PEX14: variants seen among roughly 807,000 people sequenced by gnomAD.
The protein encoded by PEX14 is peroxisomal membrane protein PEX14.
PEX14 carries 15 observed loss-of-function variants against 49.5 expected under a neutral mutation model. The ratio of observed to expected loss-of-function variants is 0.30; its 90% CI spans 0.20 to 0.47. The LOEUF (loss-of-function observed/expected upper bound fraction) is 0.47. Among genes scored for constraint, PEX14 ranks in the 20% least tolerant of loss-of-function variants. PEX14 has a pLI of 1.00. For missense variants in PEX14, 398 were observed against 494.8 expected (o/e 0.80, Z 1.86); for synonymous variants, 210 against 212.7 (o/e 0.99, Z 0.11).
intron 3 of PEX14, among the ~76,000 whole-genome samples, chr1:10,551,807 A>C (rs752157525): frequency 1.8e-4 from 27 of 152,214 alleles, no homozygotes; most frequent in Non-Finnish European, 1.5e-4. Context: ...ACAAAAATAC[A>C]ATCAGAAAGT....
At chr1:10,518,529 G>A (rs536906903) in intron 2 of PEX14, among the ~76,000 whole-genome samples, 42 of 152,256 alleles carry the variant, frequency 2.8e-4, no homozygotes, top group African/African-American at 9.4e-4. Flanking sequence ...TTCTTGTAGT[G>A]TATATATTGG....
In PEX14 at chr1:10,495,206, A is replaced by G; in HGVS notation, c.37-68A>G. 2.5e-6 allele frequency: 4 copies of G among 1,576,570 alleles called. No homozygotes were observed. Among genetic ancestry groups the G allele is most frequent in the East Asian group, 4.5e-5 (2 of 44,658 alleles). On this transcript the variant is annotated intron_variant, in intron 1 of 8. Coordinates refer to ENST00000356607, the MANE Select transcript of PEX14 (RefSeq NM_004565.3). This position sits in a 1 kb window ranked among gnomAD's most constrained non-coding sequence, Gnocchi z 4.2. ...AGCGTGCATCGTTTGAGAACGGAAC[A>G]TCTTTGGTTTTTTGATGTCCATTGG...
At chr1:10,556,043 G>A (rs1639478836) in intron 3 of PEX14, among the ~76,000 whole-genome samples, 1 of 152,056 alleles carries the variant, frequency 6.6e-6, no homozygotes, top group African/African-American at 2.4e-5. Context: ...ACATTCCACC[G>A]AGCACGAGGC....
At chr1:10,525,320 TA>T (rs199862806) in intron 2 of PEX14, among the ~76,000 whole-genome samples, 365 of 145,136 alleles carry the variant, frequency 2.5e-3, no homozygotes, top group Middle Eastern at 3.5e-3. Flanking sequence ...GAAAGATGTG[TA>T]AAAAAAAAAA....
At chr1:10,608,667 A>G (rs1375640513) in intron 4 of PEX14, among the ~76,000 whole-genome samples, 2 of 35,150 alleles carry the variant, frequency 5.7e-5, no homozygotes, top group Non-Finnish European at 6.5e-5. Flanking sequence ...CGTCTCAAAA[A>G]AAAAAAGAAA....
At chr1:10,475,553 GACTA>G (rs906436931) in intron 1 of PEX14, among the ~76,000 whole-genome samples, 24 of 152,194 alleles carry the variant, frequency 1.6e-4, no homozygotes, top group African/African-American at 5.8e-4. Context: ...GACGCACTGT[GACTA>G]ACAGACGCCA....
At chr1:10,556,053 C>T (rs1443132704) in intron 3 of PEX14, among the ~76,000 whole-genome samples, 1 of 151,972 alleles carries the variant, frequency 6.6e-6, no homozygotes, top group Non-Finnish European at 1.5e-5. Flanking sequence ...GAGCACGAGG[C>T]GAAAGGGGCA....
intron 1 of PEX14, among the ~76,000 whole-genome samples, chr1:10,490,550 T>C (rs1352182952): frequency 6.6e-6 from 1 of 152,164 alleles, no homozygotes; most frequent in African/African-American, 2.4e-5. Flanking sequence ...CCGTAGTCTT[T>C]GCCTGACTTG....
intron 3 of PEX14, among the ~76,000 whole-genome samples, chr1:10,577,536 A>ATATATATATATATATATATG (rs1557854651): frequency 1.0e-3 from 2 of 1,940 alleles, no homozygotes; most frequent in Non-Finnish European, 4.8e-3. Flanking sequence ...ATACATATAT[A>ATATATATATATATATATATG]TATATATATA....
chr1:10,612,274 C>G (rs538684854), intron 4 of PEX14, among the ~76,000 whole-genome samples: 1 of 152,256 alleles, frequency 6.6e-6, no homozygotes, highest in East Asian at 1.9e-4. Flanking sequence ...ACCTTGGCCT[C>G]TATCAAAAAT....
At chr1:10,604,184 G>A (rs1430723065) in intron 4 of PEX14, among the ~76,000 whole-genome samples, 1 of 152,170 alleles carries the variant, frequency 6.6e-6, no homozygotes, top group African/African-American at 2.4e-5. Flanking sequence ...CGGTGAGGAC[G>A]GTGGCACAGA....
intron 1 of PEX14, among the ~76,000 whole-genome samples, chr1:10,491,824 G>A (rs1570145065): frequency 6.6e-6 from 1 of 151,418 alleles, no homozygotes; most frequent in South Asian, 2.1e-4. Flanking sequence ...GGGACTACAG[G>A]CATGCACCAC....
intron 2 of PEX14, among the ~76,000 whole-genome samples, chr1:10,497,200 G>A (rs1048333378): frequency 3.9e-5 from 6 of 152,176 alleles, no homozygotes; most frequent in Admixed American, 2.6e-4. Context: ...CAGCTGAGTC[G>A]CGTGGTCTTG....
At chr1:10,488,196 G>C (rs1270489277) in intron 1 of PEX14, among the ~76,000 whole-genome samples, 1 of 151,990 alleles carries the variant, frequency 6.6e-6, no homozygotes, top group Non-Finnish European at 1.5e-5. Context: ...TGTGTCTCAA[G>C]GAATTTGTCC....
At position 10,629,513 on chromosome 1, in the gene PEX14, C is replaced by G; in HGVS notation, c.678-18C>G. 3.2e-6 allele frequency: 5 copies of G among 1,576,384 alleles called. No individual in the cohort carries two copies. In the African/African-American group the frequency reaches 4.0e-5, roughly 13 times the overall value. Reference sequence around the variant, plus strand: ...CCTGAATGCCGCCACCAACCTCCTCCCCTTCTTCTCCCTCTAGGAGGCAGT... The same window carrying G: ...CCTGAATGCCGCCACCAACCTCCTCGCCTTCTTCTCCCTCTAGGAGGCAGT... On this transcript the variant is annotated intron_variant, in intron 8 of 8. Coordinates refer to ENST00000356607, the MANE Select transcript of PEX14 (RefSeq NM_004565.3). The surrounding 1 kb of genome is among the most constrained non-coding windows in gnomAD (Gnocchi z 8.5).
chr1:10,479,002 C>T (rs903202209), intron 1 of PEX14, among the ~76,000 whole-genome samples: 9 of 151,954 alleles, frequency 5.9e-5, no homozygotes, highest in East Asian at 1.9e-4. Context: ...CCGCCCACCT[C>T]GGCCTCCCAA....
chr1:10,602,764 G>A (rs1641023038), intron 4 of PEX14, among the ~76,000 whole-genome samples: 1 of 152,140 alleles, frequency 6.6e-6, no homozygotes, highest in African/African-American at 2.4e-5. Context: ...AGCAAACTCA[G>A]GGGAGTTTCT....
rs12375 is a variant in PEX14 at position 10,536,284 on chromosome 1, C to T, written c.156C>T (p.Phe52=). The change falls in exon 3 of 9, where the codon TTC becomes TTT. Residue 52 remains phenylalanine, a synonymous_variant. Transcript: ENST00000356607. ...RQSPLATRRA[F]LKKKGLTDEE... is the part of the protein sequence containing the mutation. ...GCCCACTTGCAACCAGGAGAGCATT[C>T]CTAAAGAAGAAAGGTACAGGTTCCA... is the stretch of plus-strand genomic sequence containing the variant. 0.31 allele frequency: 487,013 copies of T among 1,596,574 alleles called. 77,544 individuals are homozygous for T. The highest frequency in any genetic ancestry group is 0.39 in the Admixed American group (23,179 of 59,982).
chr1:10,627,468 C>T (rs1162686842), intron 8 of PEX14, 105 bp downstream of exon 8: 6 of 822,382 alleles, frequency 7.3e-6, no homozygotes, highest in Admixed American at 1.9e-5. Flanking sequence ...CCCCAAGGAC[C>T]CCATCTGTCT....
Sources: allele counts gnomAD v4.1 joint callset (sites outside exome capture counted in the v4.1 genomes callset), GRCh38; gene constraint gnomAD v4.1.1; non-coding constraint Gnocchi (gnomAD v3.1); transcripts MANE v1.5; gene names NCBI Gene and HGNC (gene_info 2026-07-23, HGNC 2026-07-21).